ABCB5: variants seen among roughly 807,000 people sequenced by gnomAD.
ABCB5 encodes ATP binding cassette subfamily B member 5.
In ABCB5, 155 loss-of-function variants were observed where a neutral mutation model predicts 144.2. That is an observed-to-expected ratio of 1.08 (90% confidence interval 0.94 to 1.23). The LOEUF is 1.23. Among genes scored for constraint, ABCB5 ranks in the 50% most tolerant of loss-of-function variants. The pLI is 0.00. For missense variants in ABCB5, 1,830 were observed against 1,520.8 expected, an observed-to-expected ratio of 1.20 and a Z score of -3.38; for synonymous variants, 610 against 528.6, an observed-to-expected ratio of 1.15 and a Z score of -2.11.
At chr7:20,630,136 A>AT (rs764703085) in intron 4 of ABCB5, among the ~76,000 whole-genome samples, 14 of 152,042 alleles carry the variant, frequency 9.2e-5, no homozygotes, top group Admixed American at 1.3e-4. Context: ...ACTATGCAGT[A>AT]TTTTTTATCT....
At chr7:20,677,532 C>G (rs1366344103) in intron 14 of ABCB5, among the ~76,000 whole-genome samples, 1 of 152,108 alleles carries the variant, frequency 6.6e-6, no homozygotes, top group Non-Finnish European at 1.5e-5. Context: ...AGTTCAAGAA[C>G]AGCTTGGCCA....
chr7:20,681,039 T>C (rs1785791604), intron 14 of ABCB5, among the ~76,000 whole-genome samples: 1 of 5,528 alleles, frequency 1.8e-4, no homozygotes, highest in African/African-American at 7.1e-4. Flanking sequence ...TCTTTCTCTT[T>C]CTTTCTTTCT....
At chr7:20,649,499 A>T (rs1277692929) in intron 11 of ABCB5, among the ~76,000 whole-genome samples, 1 of 152,150 alleles carries the variant, frequency 6.6e-6, no homozygotes, top group Non-Finnish European at 1.5e-5. Flanking sequence ...CATTGAGAAA[A>T]TGTTTAAAGT....
chr7:20,622,506 CT>C (rs1583373208), intron 1 of ABCB5, among the ~76,000 whole-genome samples: 1 of 152,024 alleles, frequency 6.6e-6, no homozygotes, highest in East Asian at 1.9e-4. Flanking sequence ...CTTAGGTACT[CT>C]TTAATTAATT....
chr7:20,664,199 T>G, intron 14 of ABCB5, among the ~76,000 whole-genome samples: 1 of 152,206 alleles, frequency 6.6e-6, no homozygotes, highest in East Asian at 1.9e-4. Flanking sequence ...TTCTGTATTA[T>G]GCATATTTTT....
At chr7:20,667,783 A>G (rs191200597) in intron 14 of ABCB5, among the ~76,000 whole-genome samples, 3,557 of 148,080 alleles carry the variant, frequency 0.024, 66 homozygotes, top group Middle Eastern at 0.039. Flanking sequence ...CCAAACCTGG[A>G]CTGTACTGCT....
chr7:20,623,727 T>C (rs775696453), intron 2 of ABCB5, among the ~76,000 whole-genome samples: 1 of 152,256 alleles, frequency 6.6e-6, no homozygotes, highest in African/African-American at 2.4e-5. Context: ...GATTATTTTC[T>C]CTCTGAATAG....
chr7:20,628,723 G>A lies in ABCB5; in HGVS notation c.144G>A (p.Met48Ile). ...CTGATGGACTGGACATCACACTCAT[G>A]ATCCTGGGTATACTGGCATCACTGG... ...RFADGLDITL[M>I]ILGILASLVN... Residue 48 changes from methionine to isoleucine, a missense_variant, in exon 4 of 28, where the codon ATG becomes ATA. Met to Ile is a conservative substitution (Grantham distance 10). Transcript: ENST00000404938. 1 of 1,613,396 alleles carries A rather than the reference G, an allele frequency of 6.2e-7. No individual in the cohort carries two copies. The highest frequency in any genetic ancestry group is 8.5e-7 in the Non-Finnish European group (1 of 1,179,696).
Position 20,723,118 on chromosome 7 carries a change from C to G in ABCB5, c.2524C>G (p.Leu842Val). 6.2e-7 allele frequency: 1 copy of G among 1,614,110 alleles called. No homozygotes were observed. The highest frequency in any genetic ancestry group is 8.5e-7 in the Non-Finnish European group (1 of 1,180,026). ...TGGATGGGAGATGACATTCCTGATT[C>G]TGAGTATTGCTCCAGTACTTGCCGT... ...IYGWEMTFLI[L>V]SIAPVLAVTG... The change falls in exon 21 of 28, where the codon CTG becomes GTG. Residue 842 changes from leucine (L) to valine (V), a missense_variant. By Grantham distance (32) the Leu-to-Val change is conservative. Transcript: ENST00000404938.
intron 14 of ABCB5, among the ~76,000 whole-genome samples, chr7:20,678,528 T>A (rs1024241719): frequency 6.6e-6 from 1 of 152,144 alleles, no homozygotes; most frequent in Non-Finnish European, 1.5e-5. Context: ...ATAGTATGAA[T>A]AGTAACAATA....
intron 20 of ABCB5, among the ~76,000 whole-genome samples, chr7:20,711,778 C>CTCTTTCTTTTTCTT (rs1554287284): frequency 4.2e-5 from 2 of 47,110 alleles, no homozygotes; most frequent in South Asian, 8.7e-4. Flanking sequence ...TTCCTTCTTT[C>CTCTTTCTTTTTCTT]TCTTTCTTTC....
At chr7:20,675,597 T>G (rs946831186) in intron 14 of ABCB5, among the ~76,000 whole-genome samples, 1 of 152,008 alleles carries the variant, frequency 6.6e-6, no homozygotes, top group African/African-American at 2.4e-5. Context: ...ACATTAAGTT[T>G]GACAATTATT....
intron 14 of ABCB5, chr7:20,659,627 G>T: frequency 1.0e-6 from 1 of 988,516 alleles, no homozygotes; most frequent in Non-Finnish European, 1.2e-6. Flanking sequence ...GGACACTTCG[G>T]CAATTTGGTT....
chr7:20,710,313 G>A (rs1168124539), intron 20 of ABCB5, among the ~76,000 whole-genome samples: 6 of 123,472 alleles, frequency 4.9e-5, no homozygotes, highest in Non-Finnish European at 8.1e-5. Flanking sequence ...GTTGAGGTGA[G>A]CTGAGATCGT....
At chr7:20,751,124 C>G (rs1782913376) in intron 26 of ABCB5, among the ~76,000 whole-genome samples, 2 of 152,112 alleles carry the variant, frequency 1.3e-5, no homozygotes, top group Non-Finnish European at 2.9e-5. Flanking sequence ...ACTTTTAGCT[C>G]CGGTTCATAT....
chr7:20,755,526 C>G lies in ABCB5; in HGVS notation c.3676C>G (p.Leu1226Val). Residue 1226 changes from leucine to valine, a missense_variant, in exon 28 of 28, where the codon CTG becomes GTG. Transcript: ENST00000404938. ...TCAGAACGCAGATTTGATAGTGGTT[C>G]TGCACAATGGAAAGATAAAGGAACA... is the stretch of plus-strand genomic sequence containing the variant. Reference protein sequence around the residue: ...AIQNADLIVVLHNGKIKEQGT... With the variant: ...AIQNADLIVVVHNGKIKEQGT... The G allele has an allele frequency of 6.2e-7, 1 of 1,614,164 alleles. No individual in the cohort carries two copies. The highest frequency in any genetic ancestry group is 8.5e-7 in the Non-Finnish European group (1 of 1,180,034).
chr7:20,656,922 T>C (rs1248140007), intron 13 of ABCB5, among the ~76,000 whole-genome samples: 1 of 148,622 alleles, frequency 6.7e-6, no homozygotes, highest in African/African-American at 2.5e-5. Flanking sequence ...CTTTTTTTTT[T>C]TTTTTTTTTT....
At chr7:20,680,313 C>G (rs1472746968) in intron 14 of ABCB5, among the ~76,000 whole-genome samples, 5 of 152,112 alleles carry the variant, frequency 3.3e-5, no homozygotes, top group Admixed American at 1.3e-4. Flanking sequence ...AATCCCAGCA[C>G]TTTGGGAGGC....
chr7:20,722,499 A>C (rs947390703), intron 20 of ABCB5, among the ~76,000 whole-genome samples: 2 of 152,186 alleles, frequency 1.3e-5, no homozygotes, highest in African/African-American at 2.4e-5. Flanking sequence ...ATTCCACTAA[A>C]CTAAAATCCA....
Sources: allele counts gnomAD v4.1 joint callset (sites outside exome capture counted in the v4.1 genomes callset), GRCh38; gene constraint gnomAD v4.1.1; transcripts MANE v1.5; gene names NCBI Gene and HGNC (gene_info 2026-07-23, HGNC 2026-07-21).